Variants in DUSP14 observed in about 807,000 individuals in gnomAD.
DUSP14 encodes the protein dual specificity phosphatase 14.
A neutral mutation model predicts 13.2 loss-of-function variants in DUSP14; 5 were observed. The ratio of observed to expected loss-of-function variants is 0.38; its 90% CI spans 0.20 to 0.80. The LOEUF (loss-of-function observed/expected upper bound fraction) is 0.80, where lower values mean the gene tolerates loss of function less well. DUSP14 is among the 30% of genes least tolerant of loss of function. The pLI is 0.44. For synonymous variants in DUSP14, 91 were observed against 103.4 expected (o/e 0.88, Z 0.73); for missense variants, 185 against 264.0 (o/e 0.70, Z 2.07).
At chr17:37,491,406 G>C (rs958069578) in intron 1 of DUSP14, 1 of 152,292 alleles carries the variant, frequency 6.6e-6, no homozygotes, top group Non-Finnish European at 1.5e-5. Context: ...GAGGAGGTAG[G>C]AAGGAGCCCT....
intron 1 of DUSP14, chr17:37,509,793 T>C (rs1234650473): frequency 6.6e-6 from 1 of 152,048 alleles, no homozygotes; most frequent in East Asian, 1.9e-4. Flanking sequence ...TGGATGTGTT[T>C]ATTATTATGA....
Position 37,512,658 on chromosome 17 carries a change from T to A in DUSP14, c.386T>A (p.Phe129Tyr), listed in dbSNP as rs1283502865. The part of the protein sequence containing the change: ...ATLCIAYLMK[F>Y]HNVCLLEAYN... ...CTGTGTATCGCGTACCTGATGAAAT[T>A]CCACAACGTGTGCCTGCTGGAGGCG... The change falls in exon 3 of 3, where the codon TTC becomes TAC. Residue 129 changes from phenylalanine (F) to tyrosine (Y), a missense_variant. Physicochemically the swap from Phe to Tyr is conservative, Grantham distance 22. Transcript: ENST00000617516. The surrounding 1 kb of genome is among the most constrained non-coding windows in gnomAD (Gnocchi z 4.8). The A allele has an allele frequency of 1.2e-6, 2 of 1,613,594 alleles. No individual in the cohort carries two copies. The highest frequency in any genetic ancestry group is 2.7e-5 in the African/African-American group (2 of 74,920).
intron 1 of DUSP14, among the ~76,000 whole-genome samples, chr17:37,497,617 G>T (rs572514578): frequency 1.3e-5 from 2 of 151,586 alleles, no homozygotes; most frequent in East Asian, 1.9e-4. Context: ...CAAATTAACC[G>T]GATGTGGTGG....
Position 37,512,094 on chromosome 17 carries a change from C to G in DUSP14, c.-92-87C>G. 2 of 577,442 alleles carry G rather than the reference C, an allele frequency of 3.5e-6. No homozygotes were observed. The highest frequency in any genetic ancestry group is 3.0e-6 in the Non-Finnish European group (1 of 328,822). 35.8% of individuals were successfully genotyped at this position (577,442 alleles called of 1,614,324 possible). Reference sequence around the variant, plus strand: ...GTACTGTATTATTTAAAAAAAAACCCTCTAATCTTCCCATTTGACAAATGT... The same window carrying G: ...GTACTGTATTATTTAAAAAAAAACCGTCTAATCTTCCCATTTGACAAATGT... On this transcript the variant is annotated intron_variant, in intron 2 of 2. Coordinates refer to ENST00000617516, the MANE Select transcript of DUSP14 (RefSeq NM_007026.4). The surrounding 1 kb of genome is among the most constrained non-coding windows in gnomAD (Gnocchi z 4.8).
At position 37,512,260 on chromosome 17, in the gene DUSP14, T is replaced by C. The variant is rs2054194062; in HGVS notation, c.-13T>C. On this transcript the variant is annotated 5_prime_UTR_variant, in exon 3 of 3. Coordinates refer to ENST00000617516, the MANE Select transcript of DUSP14 (RefSeq NM_007026.4). The surrounding 1 kb of genome is among the most constrained non-coding windows in gnomAD (Gnocchi z 4.8). ...TTGCCGCCAACGATGCAAGTGTGAC[T>C]GCTGGCGTCTTCATGAGCTCCAGAG... 6.3e-7 allele frequency: 1 copy of C among 1,581,350 alleles called. No individual in the cohort carries two copies. Among genetic ancestry groups the C allele is most frequent in the African/African-American group, 1.4e-5 (1 of 73,914 alleles).
intron 1 of DUSP14, among the ~76,000 whole-genome samples, chr17:37,502,854 C>G (rs1190413736): frequency 6.6e-6 from 1 of 152,050 alleles, no homozygotes; most frequent in African/African-American, 2.4e-5. Context: ...TCGGAAGCAT[C>G]ATTTCTACTG....
rs79747521 is a variant in DUSP14 at position 37,492,520 on chromosome 17, A to G, written c.-181+2562A>G. On this transcript the variant is annotated intron_variant, in intron 1 of 2. Transcript: ENST00000617516. ...GATTCTGTGGATTTATATATTATAC[A>G]TTTACCGAGGACTTTTACCATGCTA... is the stretch of plus-strand genomic sequence containing the variant. Among the ~76,000 whole-genome samples, 1,071 of 152,292 alleles carry G rather than the reference A, an allele frequency of 7.0e-3. 16 individuals carry two copies. The highest frequency in any genetic ancestry group is 0.025 in the African/African-American group (1,021 of 41,560).
At chr17:37,497,406 G>T (rs1220986607) in intron 1 of DUSP14, among the ~76,000 whole-genome samples, 2 of 152,174 alleles carry the variant, frequency 1.3e-5, no homozygotes, top group Non-Finnish European at 2.9e-5. Context: ...CTCCCAGAGT[G>T]CTGGGATTAC....
chr17:37,505,053 G>A (rs1411891710), intron 1 of DUSP14, among the ~76,000 whole-genome samples: 4 of 152,114 alleles, frequency 2.6e-5, no homozygotes, highest in African/African-American at 9.7e-5. Context: ...CACTATGCCT[G>A]GCTGATTTTT....
intron 1 of DUSP14, among the ~76,000 whole-genome samples, chr17:37,493,672 C>CTT (rs35368460): frequency 1.4e-3 from 188 of 137,340 alleles, no homozygotes; most frequent in Middle Eastern, 3.8e-3. Context: ...TTTCATCAAT[C>CTT]TTTTTTTTTT....
At chr17:37,494,329 C>G (rs1467064702) in intron 1 of DUSP14, among the ~76,000 whole-genome samples, 1 of 152,152 alleles carries the variant, frequency 6.6e-6, no homozygotes, top group Non-Finnish European at 1.5e-5. Context: ...CCAAATTTTC[C>G]TTTGCCTGAG....
intron 1 of DUSP14, among the ~76,000 whole-genome samples, chr17:37,507,081 T>G (rs2054143071): frequency 6.6e-6 from 1 of 152,204 alleles, no homozygotes; most frequent in Admixed American, 6.5e-5. Context: ...TTTCCTAGTT[T>G]CACTTCTCAA....
chr17:37,510,897 C>T (rs555764983), intron 2 of DUSP14, 133 bp downstream of exon 2: 2 of 151,148 alleles, frequency 1.3e-5, no homozygotes, highest in African/African-American at 4.9e-5. Flanking sequence ...GGTGATAAAG[C>T]ATTGTGATTT....
intron 1 of DUSP14, among the ~76,000 whole-genome samples, chr17:37,500,755 G>C (rs2054099071): frequency 6.6e-6 from 1 of 152,154 alleles, no homozygotes. Flanking sequence ...CATTAAACAA[G>C]TTTAAATACA....
At chr17:37,506,936 C>G (rs897411754) in intron 1 of DUSP14, among the ~76,000 whole-genome samples, 2 of 151,682 alleles carry the variant, frequency 1.3e-5, no homozygotes, top group Non-Finnish European at 2.9e-5. Context: ...AGATCCACAC[C>G]CCCCCGCGTG....
At chr17:37,500,363 AT>A (rs1249463972) in intron 1 of DUSP14, among the ~76,000 whole-genome samples, 1 of 152,238 alleles carries the variant, frequency 6.6e-6, no homozygotes, top group East Asian at 1.9e-4. Context: ...AAGGGTGATT[AT>A]TAACTACTGA....
intron 1 of DUSP14, among the ~76,000 whole-genome samples, chr17:37,495,626 A>G (rs190818283): frequency 5.9e-5 from 9 of 152,002 alleles, no homozygotes; most frequent in Admixed American, 6.6e-5. Flanking sequence ...GAAAGTGACC[A>G]GTAGGTGAAC....
Position 37,498,427 on chromosome 17 carries a change from C to T in DUSP14, c.-181+8469C>T, listed in dbSNP as rs537557563. On this transcript the variant is annotated intron_variant, in intron 1 of 2. Transcript: ENST00000617516. Reference sequence around the variant, plus strand: ...CTGCAAGCTCCGCCTCCCCGGTTCACGCCATTCTCCTGCCTCAGCCTCCCC... The same window carrying T: ...CTGCAAGCTCCGCCTCCCCGGTTCATGCCATTCTCCTGCCTCAGCCTCCCC... Among the ~76,000 whole-genome samples, 1,053 of 150,270 alleles carry T rather than the reference C, an allele frequency of 7.0e-3. 15 individuals are homozygous for T. The highest frequency in any genetic ancestry group is 0.025 in the African/African-American group (1,007 of 40,986).
At position 37,509,138 on chromosome 17, in the gene DUSP14, C is replaced by CTGT. The variant is rs1568204470; in HGVS notation, c.-180-1539_-180-1538insTGT. ...ATATATATATATATATACACACACA[C>CTGT]ACACACACACACACACACACACACA... On this transcript the variant is annotated intron_variant, in intron 1 of 2. Transcript: ENST00000617516. Among the ~76,000 whole-genome samples, 2 of 35,362 alleles carry CTGT rather than the reference C, an allele frequency of 5.7e-5. 1 individual carries two copies. Among genetic ancestry groups the CTGT allele is most frequent in the Non-Finnish European group, 8.7e-5 (2 of 23,004 alleles). 23.2% of individuals were successfully genotyped at this position (35,362 alleles called of 152,430 possible). A position where few individuals can be genotyped will look rare whatever the true frequency, so the allele number is the denominator to read the frequency against.
Sources: allele counts gnomAD v4.1 joint callset (sites outside exome capture counted in the v4.1 genomes callset), GRCh38; gene constraint gnomAD v4.1.1; non-coding constraint Gnocchi (gnomAD v3.1); transcripts MANE v1.5; gene names NCBI Gene and HGNC (gene_info 2026-07-23, HGNC 2026-07-21).